PDHX: variants seen among roughly 807,000 people sequenced by gnomAD.
The protein encoded by PDHX is pyruvate dehydrogenase complex component X.
A neutral mutation model predicts 55.3 loss-of-function variants in PDHX; 33 were observed. That is an observed-to-expected ratio of 0.60 (90% CI 0.45 to 0.80). PDHX has a LOEUF of 0.80. PDHX is among the 30% of genes least tolerant of loss of function. PDHX has a pLI of 0.00. For missense variants in PDHX, 622 were observed against 619.9 expected (o/e 1.00, Z -0.04); for synonymous variants, 226 against 219.4 (o/e 1.03, Z -0.27).
intron 3 of PDHX, among the ~76,000 whole-genome samples, chr11:34,948,879 C>G (rs565045461): frequency 1.6e-4 from 24 of 152,176 alleles, no homozygotes; most frequent in Non-Finnish European, 3.2e-4. Flanking sequence ...GTGCTTTTGG[C>G]AAACTGTGTT....
intron 4 of PDHX, 27 bp downstream of exon 4, chr11:34,957,610 A>G (rs770512866): frequency 1.2e-5 from 18 of 1,563,824 alleles, no homozygotes; most frequent in Non-Finnish European, 1.5e-5. Flanking sequence ...TCAAAGGATG[A>G]TGTAAAAAAA....
Position 34,978,104 on chromosome 11 carries a change from T to G in PDHX, c.965-20T>G. On this transcript the variant is annotated intron_variant, in intron 7 of 10. Transcript: ENST00000227868. Reference sequence around the variant, plus strand: ...GTTATATTAGGAATACTAATTTTACTAACCTTATTTTTCTTTCAGATGACA... The same window carrying G: ...GTTATATTAGGAATACTAATTTTACGAACCTTATTTTTCTTTCAGATGACA... 7.3e-7 allele frequency: 1 copy of G among 1,365,992 alleles called. No homozygotes were observed. The highest frequency in any genetic ancestry group is 2.3e-5 in the East Asian group (1 of 43,618). 84.6% of individuals were successfully genotyped at this position (1,365,992 alleles called of 1,614,324 possible).
intron 1 of PDHX, among the ~76,000 whole-genome samples, chr11:34,922,864 T>TTG (rs60096111): frequency 0.026 from 3,698 of 143,414 alleles, 101 homozygotes; most frequent in African/African-American, 0.069. Flanking sequence ...CAAAGTATCG[T>TTG]TGTGTGTGTG....
chr11:34,928,352 TAGAA>T (rs755063534), intron 1 of PDHX, among the ~76,000 whole-genome samples: 3 of 150,934 alleles, frequency 2.0e-5, no homozygotes, highest in Non-Finnish European at 4.4e-5. Flanking sequence ...AACTTTTTGA[TAGAA>T]AGAACACATT....
chr11:34,984,015 C>G, intron 8 of PDHX, among the ~76,000 whole-genome samples: 1 of 152,172 alleles, frequency 6.6e-6, no homozygotes, highest in Non-Finnish European at 1.5e-5. Flanking sequence ...CGCTACCTGA[C>G]TTCAAACTAT....
chr11:34,918,441 G>GA (rs144806314), intron 1 of PDHX, among the ~76,000 whole-genome samples: 9 of 147,752 alleles, frequency 6.1e-5, no homozygotes, highest in Admixed American at 1.3e-4. Flanking sequence ...TGTCTCAGGA[G>GA]AAAAAAAAAA....
intron 1 of PDHX, among the ~76,000 whole-genome samples, chr11:34,930,668 T>C (rs1274742911): frequency 6.6e-6 from 1 of 152,200 alleles, no homozygotes; most frequent in African/African-American, 2.4e-5. Context: ...GATTGGGAAG[T>C]GCAGCCGGAC....
At chr11:34,916,836 C>T in intron 1 of PDHX, 21 bp downstream of exon 1, 1 of 1,553,128 alleles carries the variant, frequency 6.4e-7, no homozygotes, top group African/African-American at 1.4e-5. Context: ...GGGGCTCGCT[C>T]AGCTTCTCTG....
At chr11:34,966,551 C>G in intron 5 of PDHX, 89 bp from the exon 6 acceptor site, 4 of 1,211,702 alleles carry the variant, frequency 3.3e-6, no homozygotes, top group Non-Finnish European at 3.7e-6. Context: ...ATTTCTGTAT[C>G]TTTTCTCCAC....
chr11:34,933,880 ATACAT>A (rs1310614348), intron 2 of PDHX, among the ~76,000 whole-genome samples: 1 of 152,142 alleles, frequency 6.6e-6, no homozygotes, highest in African/African-American at 2.4e-5. Context: ...ATATATTTCA[ATACAT>A]TAAATATATT....
At chr11:34,959,383 C>A (rs915234226) in intron 4 of PDHX, among the ~76,000 whole-genome samples, 1 of 142,700 alleles carries the variant, frequency 7.0e-6, no homozygotes, top group Admixed American at 7.3e-5. Flanking sequence ...CCTTCATACC[C>A]TTCAGGATGG....
At chr11:34,975,563 G>A (rs78072319) in intron 7 of PDHX, among the ~76,000 whole-genome samples, 1,976 of 152,098 alleles carry the variant, frequency 0.013, 42 homozygotes, top group African/African-American at 0.046. Context: ...TTCCCCTCTG[G>A]ATTTCCAATT....
chr11:34,924,247 CT>C (rs1427436076), intron 1 of PDHX, among the ~76,000 whole-genome samples: 2 of 152,024 alleles, frequency 1.3e-5, no homozygotes, highest in Non-Finnish European at 2.9e-5. Flanking sequence ...TTCTTTCTTT[CT>C]TTCTATTTTT....
At chr11:34,976,551 G>A (rs1429471436) in intron 7 of PDHX, among the ~76,000 whole-genome samples, 1 of 152,126 alleles carries the variant, frequency 6.6e-6, no homozygotes, top group Non-Finnish European at 1.5e-5. Flanking sequence ...GAATTTGGAA[G>A]AGTCATCATT....
intron 3 of PDHX, among the ~76,000 whole-genome samples, chr11:34,951,206 G>A (rs1854759420): frequency 6.6e-6 from 1 of 151,710 alleles, no homozygotes; most frequent in Admixed American, 6.6e-5. Flanking sequence ...ACAGGCGCCC[G>A]CCATCACGCC....
At chr11:34,931,121 T>G (rs1565149810) in intron 1 of PDHX, among the ~76,000 whole-genome samples, 2 of 152,160 alleles carry the variant, frequency 1.3e-5, no homozygotes, top group Non-Finnish European at 2.9e-5. Flanking sequence ...TCTCCTTTTT[T>G]TTTGACTTAT....
chr11:34,981,541 G>T (rs529675706), intron 8 of PDHX, among the ~76,000 whole-genome samples: 2 of 152,284 alleles, frequency 1.3e-5, no homozygotes, highest in African/African-American at 4.8e-5. Context: ...GGGTCAAATG[G>T]TATTTCTAGT....
intron 2 of PDHX, among the ~76,000 whole-genome samples, chr11:34,934,263 A>G (rs1854251492): frequency 1.3e-5 from 2 of 152,226 alleles, no homozygotes. Context: ...CAGAAAATTG[A>G]ACCAAATATG....
At chr11:34,989,943 T>A (rs76716651) in intron 9 of PDHX, among the ~76,000 whole-genome samples, 7,676 of 152,260 alleles carry the variant, frequency 0.05, 272 homozygotes, top group African/African-American at 0.096. Context: ...AAAACTTGTT[T>A]CATTGAAATT....
Sources: gnomAD v4.1 joint callset for allele counts (sites outside exome capture counted in the v4.1 genomes callset) on GRCh38, gnomAD v4.1.1 for gene constraint, MANE v1.5 for transcripts, NCBI Gene and HGNC (gene_info 2026-07-23, HGNC 2026-07-21) for gene names.